Variants in PDE1A observed in about 807,000 individuals in gnomAD.
The protein encoded by PDE1A is dual specificity calcium/calmodulin-dependent 3',5'-cyclic nucleotide phosphodiesterase 1A.
A neutral mutation model predicts 61.7 loss-of-function variants in PDE1A; 35 were observed. The ratio of observed to expected loss-of-function variants is 0.57; its 90% CI spans 0.43 to 0.75. PDE1A has a LOEUF of 0.75. PDE1A is among the 30% of genes least tolerant of loss of function. The pLI is 0.00. For synonymous variants in PDE1A, 232 were observed against 213.2 expected (o/e 1.09, Z -0.77); for missense variants, 597 against 630.6 (o/e 0.95, Z 0.57).
intron 3 of PDE1A, among the ~76,000 whole-genome samples, chr2:182,239,521 G>C (rs748559091): frequency 1.9e-4 from 29 of 151,958 alleles, no homozygotes; most frequent in Non-Finnish European, 4.0e-4. Flanking sequence ...GGTCATATTA[G>C]CATGTGTTTC....
At chr2:182,295,426 A>T (rs1316399634) in intron 1 of PDE1A, among the ~76,000 whole-genome samples, 1 of 152,224 alleles carries the variant, frequency 6.6e-6, no homozygotes, top group Non-Finnish European at 1.5e-5. Flanking sequence ...TCAGATGGTC[A>T]TAAAGTGTTT....
At chr2:182,690,234 A>G in the PDE1A span, among the ~76,000 whole-genome samples, 7 of 152,142 alleles carry the variant, frequency 4.6e-5, no homozygotes, top group African/African-American at 1.2e-4. Context: ...CAAAAAAATA[A>G]AATTTTAGAC....
chr2:182,642,498 T>C, the PDE1A span, among the ~76,000 whole-genome samples: 1 of 152,214 alleles, frequency 6.6e-6, no homozygotes, highest in African/African-American at 2.4e-5. Context: ...TACATGCTCA[T>C]CCCCATAGCA....
At chr2:182,716,669 C>T in the PDE1A span, among the ~76,000 whole-genome samples, 1 of 152,210 alleles carries the variant, frequency 6.6e-6, no homozygotes, top group Non-Finnish European at 1.5e-5. Flanking sequence ...CTCTGCCCAG[C>T]GATTCCCTCT....
At chr2:182,692,316 T>A in the PDE1A span, among the ~76,000 whole-genome samples, 3 of 152,138 alleles carry the variant, frequency 2.0e-5, no homozygotes, top group Non-Finnish European at 4.4e-5. Context: ...GTGGCACATA[T>A]ACACCACGGA....
chr2:182,390,508 C>T (rs979149919), intron 1 of PDE1A, among the ~76,000 whole-genome samples: 6 of 152,094 alleles, frequency 3.9e-5, no homozygotes, highest in South Asian at 2.1e-4. Context: ...GATAAAGTGA[C>T]GAAAGAAAAC....
In PDE1A at chr2:182,246,401, C is replaced by CTTTTTTTTTTTTT. The variant is rs761118177; in HGVS notation, c.168-6110_168-6109insAAAAAAAAAAAAA. ...TCTACTATAGTCTTTTTTCTTTTTT[C>CTTTTTTTTTTTTT]TTTCTTTTTTTTTTTTTTTTTTGAC... On this transcript the variant is annotated intron_variant, in intron 2 of 13. Transcript: ENST00000351439. 2.4e-4 allele frequency among the ~76,000 whole-genome samples: 15 copies of CTTTTTTTTTTTTT among 61,484 alleles called. 3 individuals are homozygous for CTTTTTTTTTTTTT. The highest frequency in any genetic ancestry group is 3.0e-4 in the African/African-American group (3 of 10,142). The allele number at this position is 61,484 out of a possible 152,430, so 40.3% of individuals were successfully genotyped here.
At chr2:182,228,463 T>A (rs1689309409) in intron 6 of PDE1A, among the ~76,000 whole-genome samples, 1 of 152,106 alleles carries the variant, frequency 6.6e-6, no homozygotes, top group Non-Finnish European at 1.5e-5. Flanking sequence ...GATGGCCCAG[T>A]CTTCTTTATA....
At chr2:182,693,085 G>A in the PDE1A span, among the ~76,000 whole-genome samples, 1 of 151,940 alleles carries the variant, frequency 6.6e-6, no homozygotes, top group East Asian at 1.9e-4. Context: ...GAGAGACCCT[G>A]TCTCCAAAAA....
At chr2:182,668,166 G>A in the PDE1A span, among the ~76,000 whole-genome samples, 1 of 152,156 alleles carries the variant, frequency 6.6e-6, no homozygotes, top group African/African-American at 2.4e-5. Context: ...GTATTTAAGA[G>A]TAGCCTGAGG....
At chr2:182,327,222 T>C (rs538576598) in intron 1 of PDE1A, among the ~76,000 whole-genome samples, 29 of 152,204 alleles carry the variant, frequency 1.9e-4, no homozygotes, top group Admixed American at 2.6e-4. Flanking sequence ...GAAAAATTAA[T>C]GAGTGTAAGG....
At chr2:182,328,870 TG>T (rs1032291338) in intron 1 of PDE1A, among the ~76,000 whole-genome samples, 1 of 152,162 alleles carries the variant, frequency 6.6e-6, no homozygotes, top group Non-Finnish European at 1.5e-5. Context: ...AGAATGGTGT[TG>T]GACAGCAACT....
At chr2:182,238,090 A>C (rs1370560205) in intron 3 of PDE1A, among the ~76,000 whole-genome samples, 1 of 151,852 alleles carries the variant, frequency 6.6e-6, no homozygotes, top group African/African-American at 2.4e-5. Context: ...AACACGCTGA[A>C]ACCCCGTCTC....
chr2:182,231,020 A>T, exon 5 of PDE1A: 1 of 1,503,162 alleles, frequency 6.7e-7, no homozygotes, highest in Non-Finnish European at 9.2e-7. Flanking sequence ...CTGACCTTGA[A>T]ACGGTTGATA....
At chr2:182,708,257 C>T in the PDE1A span, among the ~76,000 whole-genome samples, 2 of 152,086 alleles carry the variant, frequency 1.3e-5, no homozygotes. Flanking sequence ...CCCACCGGGT[C>T]CCTCCCACAA....
the PDE1A span, among the ~76,000 whole-genome samples, chr2:182,585,092 A>G: frequency 6.6e-6 from 1 of 152,218 alleles, no homozygotes; most frequent in Non-Finnish European, 1.5e-5. Context: ...CTTCAGTAGG[A>G]GAATAAGAAC....
chr2:182,562,595 T>G, the PDE1A span, among the ~76,000 whole-genome samples: 1 of 152,168 alleles, frequency 6.6e-6, no homozygotes, highest in Non-Finnish European at 1.5e-5. Flanking sequence ...GGATTCCCTC[T>G]TTTTCTATTG....
chr2:182,323,805 G>C (rs923172931), intron 1 of PDE1A, among the ~76,000 whole-genome samples: 6 of 152,162 alleles, frequency 3.9e-5, no homozygotes, highest in Non-Finnish European at 8.8e-5. Flanking sequence ...GTGTGAGACT[G>C]TACCAGCTTC....
the PDE1A span, among the ~76,000 whole-genome samples, chr2:182,680,849 C>G: frequency 2.2e-4 from 34 of 152,214 alleles, no homozygotes; most frequent in Non-Finnish European, 4.0e-4. Flanking sequence ...AGGGCTACCC[C>G]ATAGGCAGTG....
Sources: allele counts gnomAD v4.1 joint callset (sites outside exome capture counted in the v4.1 genomes callset), GRCh38; gene constraint gnomAD v4.1.1; transcripts MANE v1.5; gene names NCBI Gene and HGNC (gene_info 2026-07-23, HGNC 2026-07-21).